RGS20: variants seen among roughly 807,000 people sequenced by gnomAD.
The protein encoded by RGS20 is gz-selective GTPase-activating protein.
A neutral mutation model predicts 33.6 loss-of-function variants in RGS20; 30 were observed. The observed-to-expected ratio is 0.89, with a 90% CI of 0.67 to 1.21. RGS20 has a LOEUF of 1.21. RGS20 is among the 50% of genes most tolerant of loss of function. The probability of loss-of-function intolerance (pLI) is 0.00; values close to 1 mark genes in which losing one functional copy is unlikely to be tolerated. For missense variants in RGS20, 472 were observed against 502.4 expected (o/e 0.94, Z 0.58); for synonymous variants, 208 against 197.9 (o/e 1.05, Z -0.43).
intron 3 of RGS20, among the ~76,000 whole-genome samples, chr8:53,939,958 T>C (rs1371662318): frequency 6.6e-6 from 1 of 152,184 alleles, no homozygotes; most frequent in Non-Finnish European, 1.5e-5. Flanking sequence ...CCAACGTGTG[T>C]TAAACAACTA....
intron 1 of RGS20, among the ~76,000 whole-genome samples, chr8:53,867,691 C>A (rs1811953116): frequency 6.7e-6 from 1 of 150,014 alleles, no homozygotes; most frequent in Admixed American, 6.7e-5. Flanking sequence ...TCCTTCCTTC[C>A]TTCCTTCCTT....
At chr8:53,893,829 A>T (rs1173122507) in intron 2 of RGS20, among the ~76,000 whole-genome samples, 1 of 152,228 alleles carries the variant, frequency 6.6e-6, no homozygotes, top group East Asian at 1.9e-4. Flanking sequence ...GGCTTAAAGG[A>T]TGAAAGAGTA....
intron 1 of RGS20, among the ~76,000 whole-genome samples, chr8:53,873,652 C>T (rs1317563329): frequency 1.3e-5 from 2 of 152,018 alleles, no homozygotes; most frequent in East Asian, 3.9e-4. Flanking sequence ...GTTTATCCAC[C>T]CAAGCACTTT....
chr8:53,930,637 C>T (rs1390211868), intron 2 of RGS20, among the ~76,000 whole-genome samples: 1 of 152,130 alleles, frequency 6.6e-6, no homozygotes, highest in Non-Finnish European at 1.5e-5. Context: ...CCTCTGCCTC[C>T]GGGGTTCAAG....
chr8:53,885,388 T>C (rs1318287801), intron 2 of RGS20, among the ~76,000 whole-genome samples: 1 of 151,970 alleles, frequency 6.6e-6, no homozygotes, highest in East Asian at 1.9e-4. Context: ...CCGAGGCGGG[T>C]GGATCACGAG....
At chr8:53,922,900 AG>A (rs1813692062) in intron 2 of RGS20, among the ~76,000 whole-genome samples, 1 of 152,114 alleles carries the variant, frequency 6.6e-6, no homozygotes, top group African/African-American at 2.4e-5. Flanking sequence ...GTCTCAAGTG[AG>A]CCTCCTTCCT....
chr8:53,889,412 CTT>C (rs34316630), intron 2 of RGS20, among the ~76,000 whole-genome samples: 47 of 41,786 alleles, frequency 1.1e-3, no homozygotes, highest in Non-Finnish European at 1.9e-3. Flanking sequence ...CTCTCTCTCT[CTT>C]TTTTTTTTTT....
At chr8:53,955,880 A>C (rs1814851189) in intron 5 of RGS20, among the ~76,000 whole-genome samples, 1 of 152,170 alleles carries the variant, frequency 6.6e-6, no homozygotes, top group Non-Finnish European at 1.5e-5. Flanking sequence ...GATTGTTCTC[A>C]AATTGGGTGC....
chr8:53,898,024 C>T (rs1458601886), intron 2 of RGS20, among the ~76,000 whole-genome samples: 2 of 152,104 alleles, frequency 1.3e-5, no homozygotes, highest in African/African-American at 2.4e-5. Flanking sequence ...GTGTCCACTC[C>T]GGGCCATACT....
At chr8:53,907,054 G>C (rs977134703) in intron 2 of RGS20, among the ~76,000 whole-genome samples, 1 of 152,142 alleles carries the variant, frequency 6.6e-6, no homozygotes, top group African/African-American at 2.4e-5. Flanking sequence ...TCTTCAATGT[G>C]AAAGCAGAAA....
chr8:53,855,701 C>T (rs1320231643), intron 1 of RGS20, among the ~76,000 whole-genome samples: 1 of 152,176 alleles, frequency 6.6e-6, no homozygotes, highest in Non-Finnish European at 1.5e-5. Flanking sequence ...GATCAGTACA[C>T]GGGACCACTC....
intron 1 of RGS20, among the ~76,000 whole-genome samples, chr8:53,863,904 T>C (rs976431079): frequency 6.6e-6 from 1 of 151,936 alleles, no homozygotes; most frequent in Admixed American, 6.6e-5. Context: ...TTTGTATGTA[T>C]TTTTAGTAGA....
At chr8:53,892,116 C>A (rs1285350857) in intron 2 of RGS20, among the ~76,000 whole-genome samples, 1 of 152,224 alleles carries the variant, frequency 6.6e-6, no homozygotes, top group African/African-American at 2.4e-5. Context: ...GTTCAGTTCC[C>A]ACCTATGAGT....
rs1395757843 is a variant in RGS20, at chr8:53,937,038, C to T, written c.511-2538C>T. On this transcript the variant is annotated intron_variant, in intron 2 of 5. Transcript: ENST00000297313. ...AAATGGTGTTGGGAAAACTGGCTAGCCATATGCAGAAAACTGAAATTGGGT... is the reference window on the plus strand; with the variant it reads ...AAATGGTGTTGGGAAAACTGGCTAGTCATATGCAGAAAACTGAAATTGGGT... 2.6e-5 allele frequency among the ~76,000 whole-genome samples: 4 copies of T among 152,102 alleles called. No individual in the cohort carries two copies. In the East Asian group the frequency reaches 7.7e-4, roughly 29 times the overall value.
intron 2 of RGS20, among the ~76,000 whole-genome samples, chr8:53,925,099 T>C (rs1043498891): frequency 2.0e-5 from 3 of 152,190 alleles, no homozygotes; most frequent in Non-Finnish European, 4.4e-5. Context: ...ACTCTGCCCA[T>C]TGATTTACAC....
intron 1 of RGS20, among the ~76,000 whole-genome samples, chr8:53,861,426 A>G (rs1032665097): frequency 2.0e-5 from 3 of 152,266 alleles, no homozygotes; most frequent in African/African-American, 7.2e-5. Flanking sequence ...TCAACAAAAT[A>G]TATAGATTGT....
intron 2 of RGS20, among the ~76,000 whole-genome samples, chr8:53,929,668 CA>C (rs1289926054): frequency 2.6e-5 from 4 of 151,724 alleles, no homozygotes; most frequent in African/African-American, 4.8e-5. Flanking sequence ...AACTACATAT[CA>C]AAAAAAATGT....
intron 2 of RGS20, among the ~76,000 whole-genome samples, chr8:53,882,007 G>C (rs996193457): frequency 6.6e-6 from 1 of 151,886 alleles, no homozygotes; most frequent in Admixed American, 6.6e-5. Flanking sequence ...TCCAGCGCTG[G>C]GGGAGCGGAC....
intron 1 of RGS20, among the ~76,000 whole-genome samples, chr8:53,874,929 A>T (rs1279946658): frequency 6.6e-6 from 1 of 152,200 alleles, no homozygotes; most frequent in Non-Finnish European, 1.5e-5. Context: ...GGTGCAAGTC[A>T]ACCTATAACA....
Sources: gnomAD v4.1 joint callset for allele counts (sites outside exome capture counted in the v4.1 genomes callset) on GRCh38, gnomAD v4.1.1 for gene constraint, MANE v1.5 for transcripts, NCBI Gene and HGNC (gene_info 2026-07-23, HGNC 2026-07-21) for gene names.